ENPP6: variants seen among roughly 807,000 people sequenced by gnomAD.
ENPP6 encodes the protein ectonucleotide pyrophosphatase/phosphodiesterase 6.
Under a neutral mutation model 42.0 loss-of-function variants are expected in ENPP6, and 32 were observed. That is an observed-to-expected ratio of 0.76 (90% CI 0.58 to 1.02). The LOEUF (loss-of-function observed/expected upper bound fraction) is 1.02, where lower values mean the gene tolerates loss of function less well. Ranked by LOEUF, ENPP6 falls within the 50% of genes least tolerant of loss-of-function variation. ENPP6 has a pLI of 0.00. For missense variants in ENPP6, 552 were observed against 566.8 expected (o/e 0.97, Z 0.27); for synonymous variants, 213 against 216.0 (o/e 0.99, Z 0.12).
intron 1 of ENPP6, among the ~76,000 whole-genome samples, chr4:184,199,926 T>G (rs1203413140): frequency 6.6e-6 from 1 of 152,190 alleles, no homozygotes; most frequent in Non-Finnish European, 1.5e-5. Flanking sequence ...CACACATCCC[T>G]GATATCATAA....
At position 184,203,356 on chromosome 4, in the gene ENPP6, G is replaced by T. The variant is rs80179690; in HGVS notation, c.241+14223C>A. Reference sequence around the variant, plus strand: ...AGTTTGATCTTTGACAGCTAAATCCGTAACTTTCTCCACTGGACCATGCGT... The same window carrying T: ...AGTTTGATCTTTGACAGCTAAATCCTTAACTTTCTCCACTGGACCATGCGT... On this transcript the variant is annotated intron_variant, in intron 1 of 7. Transcript: ENST00000296741. Among the ~76,000 whole-genome samples, 627 of 152,310 alleles carry T rather than the reference G, an allele frequency of 4.1e-3. 2 individuals are homozygous for T. Among genetic ancestry groups the T allele is most frequent in the African/African-American group, 0.014 (598 of 41,562 alleles).
intron 6 of ENPP6, among the ~76,000 whole-genome samples, chr4:184,106,048 T>TTTTTGAGATGGAATCTCTCTCTGTCTC (rs1736085638): frequency 6.6e-6 from 1 of 152,066 alleles, no homozygotes; most frequent in Non-Finnish European, 1.5e-5. Flanking sequence ...TTGTTTTTTT[T>TTTTTGAGATGGAATCTCTCTCTGTCTC]TTTTTTGAGA....
At chr4:184,091,642 C>T (rs749922222) in intron 7 of ENPP6, among the ~76,000 whole-genome samples, 2 of 152,076 alleles carry the variant, frequency 1.3e-5, no homozygotes, top group Non-Finnish European at 2.9e-5. Flanking sequence ...CTTGGGGGCT[C>T]ACACCTGTAG....
chr4:184,191,378 G>A (rs1732710881), intron 1 of ENPP6, among the ~76,000 whole-genome samples: 1 of 152,196 alleles, frequency 6.6e-6, no homozygotes, highest in Admixed American at 6.5e-5. Flanking sequence ...CACAAAATAC[G>A]GTAGACATTT....
chr4:184,119,568 G>A (rs1457649965), intron 3 of ENPP6, among the ~76,000 whole-genome samples: 1 of 151,998 alleles, frequency 6.6e-6, no homozygotes, highest in African/African-American at 2.4e-5. Context: ...TAACCTCGAG[G>A]CCTCAGATAA....
chr4:184,160,190 A>T (rs749400746), intron 1 of ENPP6, among the ~76,000 whole-genome samples: 14 of 152,220 alleles, frequency 9.2e-5, no homozygotes, highest in Middle Eastern at 3.2e-3. Context: ...ACTGGATCAA[A>T]TGGTAGTTGT....
At chr4:184,206,172 G>T (rs1345524895) in intron 1 of ENPP6, among the ~76,000 whole-genome samples, 1 of 151,848 alleles carries the variant, frequency 6.6e-6, no homozygotes, top group Non-Finnish European at 1.5e-5. Flanking sequence ...AGGGCGGAGG[G>T]GACCAGGGAG....
At chr4:184,194,155 C>T (rs750313221) in intron 1 of ENPP6, among the ~76,000 whole-genome samples, 10 of 152,202 alleles carry the variant, frequency 6.6e-5, no homozygotes, top group Admixed American at 3.9e-4. Context: ...TCCCACTCCT[C>T]GGTCAGCATC....
At chr4:184,167,822 T>C (rs180981603) in intron 1 of ENPP6, among the ~76,000 whole-genome samples, 9 of 152,294 alleles carry the variant, frequency 5.9e-5, no homozygotes, top group African/African-American at 1.7e-4. Context: ...ACCGGTGATC[T>C]GCATATCAAC....
chr4:184,111,273 G>A (rs149672994), intron 6 of ENPP6, among the ~76,000 whole-genome samples: 32 of 152,298 alleles, frequency 2.1e-4, no homozygotes, highest in Admixed American at 1.9e-3. Context: ...TTAACCTTCA[G>A]GGCATATTTG....
At chr4:184,101,981 C>T (rs1457495875) in intron 6 of ENPP6, among the ~76,000 whole-genome samples, 1 of 152,226 alleles carries the variant, frequency 6.6e-6, no homozygotes, top group Non-Finnish European at 1.5e-5. Flanking sequence ...TCTCTGGGCG[C>T]CTGCACTCCA....
intron 7 of ENPP6, among the ~76,000 whole-genome samples, chr4:184,093,134 G>A (rs760455774): frequency 1.1e-4 from 16 of 152,240 alleles, no homozygotes; most frequent in East Asian, 1.9e-4. Flanking sequence ...CTAGCTGGGT[G>A]ACCTCCGGAA....
At chr4:184,195,304 C>A (rs1732778300) in intron 1 of ENPP6, among the ~76,000 whole-genome samples, 1 of 152,122 alleles carries the variant, frequency 6.6e-6, no homozygotes, top group African/African-American at 2.4e-5. Context: ...CGATAGGCCC[C>A]AGTGTGTGTT....
At chr4:184,143,646 C>T (rs1242122238) in intron 2 of ENPP6, among the ~76,000 whole-genome samples, 4 of 152,244 alleles carry the variant, frequency 2.6e-5, no homozygotes, top group Non-Finnish European at 4.4e-5. Flanking sequence ...TGGCCAATCC[C>T]GGAATTCTCT....
chr4:184,177,183 G>C (rs1737578684), intron 1 of ENPP6, among the ~76,000 whole-genome samples: 1 of 152,170 alleles, frequency 6.6e-6, no homozygotes, highest in Non-Finnish European at 1.5e-5. Context: ...GCTGGTGCCA[G>C]GGAAACTGGG....
intron 1 of ENPP6, among the ~76,000 whole-genome samples, chr4:184,164,755 G>A (rs1294242449): frequency 6.6e-6 from 1 of 152,206 alleles, no homozygotes; most frequent in Non-Finnish European, 1.5e-5. Context: ...GTGGCCCTAA[G>A]GGATAAGTAC....
rs1454837633 is a variant in ENPP6, at chr4:184,089,430, C to T, written c.*1747G>A. The T allele has an allele frequency of 1.3e-5, 2 of 151,896 alleles. No individual in the cohort carries two copies. Among genetic ancestry groups the T allele is most frequent in the Admixed American group, 1.3e-4 (2 of 15,208 alleles). The allele number at this position is 151,896 out of a possible 1,614,324, so 9.4% of individuals were successfully genotyped here. A position where few individuals can be genotyped will look rare whatever the true frequency, so the allele number is the denominator to read the frequency against. On this transcript the variant is annotated 3_prime_UTR_variant, in exon 8 of 8. Transcript: ENST00000296741. ...ATTGCCTTTTCCTGACAAAAAGTCT[C>T]ACTTGCAGATGTACCTCAATTAGTG...
intron 6 of ENPP6, among the ~76,000 whole-genome samples, chr4:184,110,949 A>G (rs1268691921): frequency 2.6e-5 from 4 of 152,080 alleles, no homozygotes; most frequent in African/African-American, 9.7e-5. Context: ...CTGAGATACC[A>G]TGTTTACTTT....
At chr4:184,109,482 C>G (rs895975770) in intron 6 of ENPP6, among the ~76,000 whole-genome samples, 1 of 151,990 alleles carries the variant, frequency 6.6e-6, no homozygotes, top group African/African-American at 2.4e-5. Context: ...GCTACGGATC[C>G]GGGCGTGATA....
Sources: gnomAD v4.1 joint callset for allele counts (sites outside exome capture counted in the v4.1 genomes callset) on GRCh38, gnomAD v4.1.1 for gene constraint, MANE v1.5 for transcripts, NCBI Gene and HGNC (gene_info 2026-07-23, HGNC 2026-07-21) for gene names.